DEDD2: variants seen among roughly 807,000 people sequenced by gnomAD.
DEDD2 encodes the protein death effector domain containing 2, also known as DNA-binding death effector domain-containing protein 2.
In DEDD2, 18 loss-of-function variants were observed where a neutral mutation model predicts 28.9. The ratio of observed to expected loss-of-function variants is 0.62; its 90% CI spans 0.43 to 0.92. DEDD2 has a LOEUF of 0.92. Among genes scored for constraint, DEDD2 ranks in the 40% least tolerant of loss-of-function variants. DEDD2 has a pLI of 0.00. For missense variants in DEDD2, 411 were observed against 463.3 expected, an observed-to-expected ratio of 0.89 and a Z score of 1.04; for synonymous variants, 211 against 206.1, an observed-to-expected ratio of 1.02 and a Z score of -0.20.
intron 2 of DEDD2, among the ~76,000 whole-genome samples, chr19:42,215,760 A>T (rs1279236522): frequency 6.6e-6 from 1 of 152,158 alleles, no homozygotes; most frequent in Non-Finnish European, 1.5e-5. Context: ...TTAGTAACCC[A>T]GACAAAGGCT....
At chr19:42,217,160 C>T in intron 1 of DEDD2, 115 bp from the exon 2 acceptor site, 2 of 755,372 alleles carry the variant, frequency 2.6e-6, no homozygotes, top group East Asian at 2.7e-5. Flanking sequence ...TCCCGCACCC[C>T]CAACCGCCTC....
At chr19:42,219,548 G>C (rs1262424789), upstream of DEDD2, among the ~76,000 whole-genome samples, 1 of 152,246 alleles carries the variant, frequency 6.6e-6, no homozygotes, top group East Asian at 1.9e-4. Flanking sequence ...GTTGCAGTGA[G>C]CCAAGATCGT....
At chr19:42,202,008 C>T (rs1225801472) in intron 4 of DEDD2, 2 of 398,778 alleles carry the variant, frequency 5.0e-6, no homozygotes, top group Non-Finnish European at 8.8e-6. Flanking sequence ...AGTCCCAGCT[C>T]TGCCACTCTC....
intron 3 of DEDD2, among the ~76,000 whole-genome samples, chr19:42,213,134 C>T (rs1254246078): frequency 6.6e-6 from 1 of 152,094 alleles, no homozygotes; most frequent in Non-Finnish European, 1.5e-5. Context: ...GATACAAACA[C>T]ATGAAGAAGA....
intron 1 of DEDD2, 136 bp from the exon 2 acceptor site, chr19:42,217,181 TCC>T: frequency 1.5e-6 from 1 of 660,214 alleles, no homozygotes; most frequent in Non-Finnish European, 2.5e-6. Context: ...GGCCTCCCCC[TCC>T]CCCGGGAGGG....
chr19:42,216,073 C>T (rs1183156259), intron 2 of DEDD2, among the ~76,000 whole-genome samples: 1 of 152,210 alleles, frequency 6.6e-6, no homozygotes, highest in Non-Finnish European at 1.5e-5. Context: ...CTGGGATTTT[C>T]TCCCCTGGGG....
intron 4 of DEDD2, among the ~76,000 whole-genome samples, chr19:42,200,749 C>T (rs557604589): frequency 6.6e-6 from 1 of 152,340 alleles, no homozygotes; most frequent in Non-Finnish European, 1.5e-5. Context: ...GCTGGATTTT[C>T]AGCTACACTC....
At chr19:42,205,412 C>T (rs2035492722) in intron 4 of DEDD2, among the ~76,000 whole-genome samples, 1 of 151,812 alleles carries the variant, frequency 6.6e-6, no homozygotes, top group African/African-American at 2.4e-5. Flanking sequence ...GGTGGATCAC[C>T]TGAGGTCGGG....
chr19:42,207,537 C>T (rs1321553610), intron 4 of DEDD2, among the ~76,000 whole-genome samples: 1 of 152,148 alleles, frequency 6.6e-6, no homozygotes, highest in African/African-American at 2.4e-5. Context: ...AGGGGCTCGG[C>T]ACCACCCCTG....
chr19:42,206,499 A>C (rs768185850), intron 4 of DEDD2, among the ~76,000 whole-genome samples: 7 of 152,102 alleles, frequency 4.6e-5, no homozygotes, highest in Non-Finnish European at 1.0e-4. Context: ...AACAAACCCA[A>C]GTTTCAGCCA....
chr19:42,219,537 G>A (rs547771842), upstream of DEDD2, among the ~76,000 whole-genome samples: 1 of 152,350 alleles, frequency 6.6e-6, no homozygotes, highest in East Asian at 1.9e-4. Context: ...GGGAGGCGGA[G>A]GTTGCAGTGA....
At chr19:42,219,542 C>T (rs2036092644), upstream of DEDD2, among the ~76,000 whole-genome samples, 1 of 152,228 alleles carries the variant, frequency 6.6e-6, no homozygotes, top group Admixed American at 6.5e-5. Flanking sequence ...GCGGAGGTTG[C>T]AGTGAGCCAA....
chr19:42,216,362 A>C (rs952180072), intron 2 of DEDD2, among the ~76,000 whole-genome samples: 29 of 152,232 alleles, frequency 1.9e-4, no homozygotes, highest in African/African-American at 7.0e-4. Context: ...GTTACAGTGA[A>C]GACAGTAACA....
In DEDD2 at chr19:42,199,559, G is replaced by A; in HGVS notation, c.860C>T (p.Ala287Val). Reference protein sequence around the residue: ...GVFLTEALREAVGREAVRLLV... With the variant: ...GVFLTEALREVVGREAVRLLV... ...CAGGCGAACAGCCTCCCGGCCCACA[G>A]CCTCTCGCAGGGCCTCAGTCAGGAA... The change falls in exon 5 of 5, where the codon GCT becomes GTT. Residue 287 changes from alanine to valine, a missense_variant. Ala to Val is a moderately conservative substitution (Grantham distance 64). Coordinates refer to ENST00000596251, the MANE Select transcript of DEDD2 (RefSeq NM_133328.4). The surrounding 1 kb of genome is among the most constrained non-coding windows in gnomAD (Gnocchi z 7.4). The A allele has an allele frequency of 6.2e-7, 1 of 1,614,050 alleles. No homozygotes were observed. Among genetic ancestry groups the A allele is most frequent in the South Asian group, 1.1e-5 (1 of 91,082 alleles).
intron 2 of DEDD2, among the ~76,000 whole-genome samples, chr19:42,215,826 T>A (rs2035945211): frequency 1.3e-5 from 2 of 152,164 alleles, no homozygotes; most frequent in African/African-American, 4.8e-5. Flanking sequence ...GCTTCTCATG[T>A]GAAGGCTGCT....
chr19:42,214,986 T>C, intron 3 of DEDD2, 147 bp downstream of exon 3: 12 of 1,218,342 alleles, frequency 9.8e-6, no homozygotes, highest in Non-Finnish European at 1.3e-5. Context: ...CAGAACAGAG[T>C]ATCTGTAGCA....
chr19:42,200,468 A>C (rs2035287049), intron 4 of DEDD2, among the ~76,000 whole-genome samples: 2 of 152,236 alleles, frequency 1.3e-5, no homozygotes, highest in African/African-American at 4.8e-5. Context: ...TGAGATTCAC[A>C]TGGTGCCAAC....
At chr19:42,203,825 G>T (rs1327237685) in intron 4 of DEDD2, among the ~76,000 whole-genome samples, 1 of 152,228 alleles carries the variant, frequency 6.6e-6, no homozygotes, top group Non-Finnish European at 1.5e-5. Context: ...CAGGGGAAGG[G>T]TCACAAATGG....
chr19:42,205,627 CA>C (rs996062628), intron 4 of DEDD2, among the ~76,000 whole-genome samples: 16 of 143,796 alleles, frequency 1.1e-4, no homozygotes, highest in Admixed American at 2.7e-4. Context: ...AACTCCATCT[CA>C]AAAAAAAAAA....
Sources: allele counts gnomAD v4.1 joint callset (sites outside exome capture counted in the v4.1 genomes callset), GRCh38; gene constraint gnomAD v4.1.1; non-coding constraint Gnocchi (gnomAD v3.1); transcripts MANE v1.5; gene names NCBI Gene and HGNC (gene_info 2026-07-23, HGNC 2026-07-21).